ANKRD30A: variants seen among roughly 807,000 people sequenced by gnomAD.
ANKRD30A encodes the protein ankyrin repeat domain-containing protein 30A.
A neutral mutation model predicts 166.3 loss-of-function variants in ANKRD30A; 170 were observed. The ratio of observed to expected loss-of-function variants is 1.02; its 90% CI spans 0.90 to 1.16. The LOEUF (loss-of-function observed/expected upper bound fraction) is 1.16, where lower values mean the gene tolerates loss of function less well. Ranked by LOEUF, ANKRD30A falls within the 50% of genes most tolerant of loss-of-function variation. The pLI is 0.00. For synonymous variants in ANKRD30A, 564 were observed against 508.9 expected, an observed-to-expected ratio of 1.11 and a Z score of -1.46; for missense variants, 1,630 against 1,518.0, an observed-to-expected ratio of 1.07 and a Z score of -1.23.
In ANKRD30A at chr10:37,137,615, C is replaced by A. The variant is rs1329495735; in HGVS notation, c.820+944C>A. Among the ~76,000 whole-genome samples, 3 of 152,176 alleles carry A rather than the reference C, an allele frequency of 2.0e-5. No homozygotes were observed. The East Asian group carries it at 5.8e-4, about 29-fold the overall frequency. ...CTCAGAGGGTCCTACCCCCATGGAA[C>A]CTTGCTCATTGCTAGCACAGCAGTC... On this transcript the variant is annotated intron_variant, in intron 6 of 35. Transcript: ENST00000361713.
intron 5 of ANKRD30A, among the ~76,000 whole-genome samples, chr10:37,134,660 G>A (rs1300465778): frequency 6.6e-6 from 1 of 152,128 alleles, no homozygotes; most frequent in Non-Finnish European, 1.5e-5. Flanking sequence ...CCCTGCTCTG[G>A]CAGCTAGAAC....
intron 31 of ANKRD30A, among the ~76,000 whole-genome samples, chr10:37,205,228 A>G (rs1269355044): frequency 6.6e-6 from 1 of 152,198 alleles, no homozygotes; most frequent in Non-Finnish European, 1.5e-5. Context: ...GACTGGATTA[A>G]GAAAATGTGG....
Position 37,145,168 on chromosome 10 carries a change from A to G in ANKRD30A, c.1455+112A>G, listed in dbSNP as rs576764808. The G allele has an allele frequency of 4.1e-5, 32 of 771,828 alleles. No individual in the cohort carries two copies. The East Asian group carries it at 9.5e-4, about 23-fold the overall frequency. 47.8% of individuals were successfully genotyped at this position (771,828 alleles called of 1,614,324 possible). ...CTTACCACTGCCTATGCTCAGAAGA[A>G]ATTCTGATATTTCTAAAAACATACT... is the stretch of plus-strand genomic sequence containing the variant. On this transcript the variant is annotated intron_variant, in intron 8 of 35. Coordinates refer to ENST00000361713, the MANE Select transcript of ANKRD30A (RefSeq NM_052997.3).
intron 30 of ANKRD30A, 150 bp downstream of exon 30, chr10:37,199,938 T>C (rs550586396): frequency 2.0e-6 from 1 of 498,236 alleles, no homozygotes; most frequent in South Asian, 2.2e-5. Context: ...AGAGAATCTA[T>C]GTGCTAAGTA....
At chr10:37,137,659 T>A (rs1251288628) in intron 6 of ANKRD30A, among the ~76,000 whole-genome samples, 6 of 151,946 alleles carry the variant, frequency 3.9e-5, no homozygotes, top group Non-Finnish European at 1.5e-5. Flanking sequence ...AACTGTAAGG[T>A]GACAGTGAGG....
At position 37,125,895 on chromosome 10, in the gene ANKRD30A, T is replaced by G; in HGVS notation, c.108T>G (p.Ser36=). 1 of 1,585,016 alleles carries G rather than the reference T, an allele frequency of 6.3e-7. No individual in the cohort carries two copies. Among genetic ancestry groups the G allele is most frequent in the South Asian group, 1.1e-5 (1 of 90,242 alleles). ...YTSNDSYIVH[S]GDLRKIHKAA... ...GCAACGACTCCTACATCGTCCACTCTGGGGATCTTAGAAAGATCCATAAAG... is the reference window on the plus strand; with the variant it reads ...GCAACGACTCCTACATCGTCCACTCGGGGGATCTTAGAAAGATCCATAAAG... Residue 36 remains serine, a synonymous_variant, in exon 1 of 36, where the codon TCT becomes TCG. Coordinates refer to ENST00000361713, the MANE Select transcript of ANKRD30A (RefSeq NM_052997.3).
chr10:37,217,792 A>G lies in ANKRD30A; in HGVS notation c.3181A>G (p.Lys1061Glu), dbSNP rs769532628. 1.4e-5 allele frequency: 23 copies of G among 1,600,720 alleles called. No individual in the cohort carries two copies. In the African/African-American group the frequency reaches 2.3e-4, roughly 16 times the overall value. ...AGGAAGAATCGAAGAGCAGCATAGG[A>G]AAGAGTTAGAAGTGAAACAACAACT... is the stretch of plus-strand genomic sequence containing the variant. Reference protein sequence around the residue: ...ELGRIEEQHRKELEVKQQLEQ... With the variant: ...ELGRIEEQHREELEVKQQLEQ... The change falls in exon 33 of 36, where the codon AAA becomes GAA. Residue 1061 changes from lysine to glutamate, a missense_variant. This residue lies in a region of ANKRD30A where 712 missense variants were observed against 629.3 expected (regional missense o/e 1.13). Coordinates refer to ENST00000361713, the MANE Select transcript of ANKRD30A (RefSeq NM_052997.3).
chr10:37,192,782 T>C (rs1840708826), intron 25 of ANKRD30A, among the ~76,000 whole-genome samples: 1 of 152,160 alleles, frequency 6.6e-6, no homozygotes, highest in Non-Finnish European at 1.5e-5. Context: ...CTCTTACTGA[T>C]AGTAGGATAT....
chr10:37,183,735 G>C (rs1290713976), intron 24 of ANKRD30A, among the ~76,000 whole-genome samples: 1 of 148,122 alleles, frequency 6.8e-6, no homozygotes, highest in East Asian at 2.0e-4. Context: ...AGATATTGAT[G>C]CCTTGAGAAT....
At chr10:37,155,602 A>G (rs1156944306) in intron 13 of ANKRD30A, among the ~76,000 whole-genome samples, 1 of 152,142 alleles carries the variant, frequency 6.6e-6, no homozygotes, top group Non-Finnish European at 1.5e-5. Flanking sequence ...CAGCTTTTGC[A>G]TTTATTTTCT....
intron 24 of ANKRD30A, among the ~76,000 whole-genome samples, chr10:37,179,640 T>G (rs1275942992): frequency 6.8e-6 from 1 of 147,050 alleles, no homozygotes; most frequent in African/African-American, 2.5e-5. Context: ...AGCTGAACTC[T>G]TATCCGAACT....
Position 37,125,814 on chromosome 10 carries a change from C to A in ANKRD30A, c.27C>A (p.Val9=). MEEISAAA[V]KVVPGPERPS... ...TGGAGGAGATCTCTGCCGCCGCTGT[C>A]AAGGTCGTGCCGGGCCCGGAGCGCC... The change falls in exon 1 of 36, where the codon GTC becomes GTA. Residue 9 remains valine, a synonymous_variant. Transcript: ENST00000361713. 1 of 796,602 alleles carries A rather than the reference C, an allele frequency of 1.3e-6. No homozygotes were observed. The highest frequency in any genetic ancestry group is 1.7e-5 in the South Asian group (1 of 59,850). 49.3% of individuals were successfully genotyped at this position (796,602 alleles called of 1,614,324 possible).
chr10:37,257,306 T>C, the ANKRD30A span, among the ~76,000 whole-genome samples: 1 of 151,328 alleles, frequency 6.6e-6, no homozygotes, highest in South Asian at 2.1e-4. Flanking sequence ...TTGGTCTAGC[T>C]AGTGGTCCAT....
the ANKRD30A span, among the ~76,000 whole-genome samples, chr10:37,248,533 A>C: frequency 6.6e-6 from 1 of 152,126 alleles, no homozygotes; most frequent in African/African-American, 2.4e-5. Context: ...CCCATGGTCC[A>C]AGTTCAAGAT....
chr10:37,183,182 C>T (rs1334655058), intron 24 of ANKRD30A, among the ~76,000 whole-genome samples: 1 of 149,108 alleles, frequency 6.7e-6, no homozygotes, highest in Non-Finnish European at 1.5e-5. Flanking sequence ...TTAAAATACA[C>T]GAATTGGAAA....
chr10:37,240,763 G>T, the ANKRD30A span: 2 of 152,070 alleles, frequency 1.3e-5, no homozygotes, highest in African/African-American at 4.8e-5. Context: ...CCCAAAACCT[G>T]GATGTCCTAT....
At chr10:37,163,301 C>T (rs1291812013) in intron 17 of ANKRD30A, among the ~76,000 whole-genome samples, 1 of 83,742 alleles carries the variant, frequency 1.2e-5, no homozygotes, top group Non-Finnish European at 2.4e-5. Flanking sequence ...ATCAGTAACT[C>T]GGACTAGTGA....
chr10:37,197,810 G>C (rs2132681142), intron 29 of ANKRD30A, among the ~76,000 whole-genome samples: 1 of 152,166 alleles, frequency 6.6e-6, no homozygotes, highest in East Asian at 1.9e-4. Flanking sequence ...TTCGAAGCTT[G>C]ATTCAAATTC....
chr10:37,206,327 T>C (rs1841992931), intron 31 of ANKRD30A, among the ~76,000 whole-genome samples: 4 of 152,130 alleles, frequency 2.6e-5, no homozygotes, highest in Admixed American at 2.6e-4. Flanking sequence ...CTGGAGAGTA[T>C]TGGAAGAAGG....
Sources: allele counts gnomAD v4.1 joint callset (sites outside exome capture counted in the v4.1 genomes callset), GRCh38; gene constraint gnomAD v4.1.1; regional missense constraint gnomAD v4.1.1; transcripts MANE v1.5; gene names NCBI Gene and HGNC (gene_info 2026-07-23, HGNC 2026-07-21).